The following TTC17 variants were observed in gnomAD, a reference collection of about 807,000 sequenced individuals.
TTC17 encodes the protein tetratricopeptide repeat domain 17.
TTC17 carries 58 observed loss-of-function variants against 143.8 expected under a neutral mutation model. The observed-to-expected ratio is 0.40, with a 90% CI of 0.33 to 0.50. The LOEUF is 0.50. Ranked by LOEUF, TTC17 falls within the 20% of genes least tolerant of loss-of-function variation. TTC17 has a pLI of 0.49. For synonymous variants in TTC17, 501 were observed against 497.8 expected (o/e 1.01, Z -0.09); for missense variants, 1,273 against 1,392.5 (o/e 0.91, Z 1.37).
chr11:43,376,191 G>A (rs1172170859), intron 1 of TTC17, among the ~76,000 whole-genome samples: 1 of 152,114 alleles, frequency 6.6e-6, no homozygotes, highest in Non-Finnish European at 1.5e-5. Context: ...GTATTCAAAG[G>A]AAAATGAAAT....
chr11:43,375,353 G>C (rs918872123), intron 1 of TTC17, among the ~76,000 whole-genome samples: 4 of 152,154 alleles, frequency 2.6e-5, no homozygotes, highest in Non-Finnish European at 5.9e-5. Flanking sequence ...ATATTGGATA[G>C]CAAACACTAC....
intron 9 of TTC17, among the ~76,000 whole-genome samples, 180 bp downstream of exon 9, chr11:43,400,228 C>G (rs949659678): frequency 2.0e-5 from 3 of 152,144 alleles, no homozygotes; most frequent in Non-Finnish European, 4.4e-5. Context: ...CTGGTTTGGT[C>G]TACCTTGCTT....
At chr11:43,465,436 A>T (rs2134808360) in intron 21 of TTC17, among the ~76,000 whole-genome samples, 1 of 152,324 alleles carries the variant, frequency 6.6e-6, no homozygotes, top group South Asian at 2.1e-4. Context: ...TGAAATAACA[A>T]TGATAATTGT....
chr11:43,387,321 G>A (rs1328152250), intron 2 of TTC17, among the ~76,000 whole-genome samples: 1 of 152,146 alleles, frequency 6.6e-6, no homozygotes, highest in Admixed American at 6.5e-5. Context: ...GCTCAAGGAA[G>A]AACAACCAAA....
chr11:43,492,250 C>T, intron 23 of TTC17, 87 bp downstream of exon 23: 1 of 1,483,904 alleles, frequency 6.7e-7, no homozygotes, highest in Non-Finnish European at 9.1e-7. Flanking sequence ...TATGTCATTG[C>T]CCACCAATTT....
chr11:43,446,345 C>G, intron 18 of TTC17: 3 of 291,356 alleles, frequency 1.0e-5, no homozygotes, highest in Non-Finnish European at 1.7e-5. Flanking sequence ...TGTTCTATAT[C>G]TTCGCTCTAG....
intron 1 of TTC17, among the ~76,000 whole-genome samples, chr11:43,363,006 C>G (rs1856180415): frequency 6.6e-6 from 1 of 152,218 alleles, no homozygotes; most frequent in African/African-American, 2.4e-5. Flanking sequence ...TGACATACCT[C>G]TGATGCCCTA....
At chr11:43,421,916 T>C (rs897906390) in intron 16 of TTC17, among the ~76,000 whole-genome samples, 1 of 142,362 alleles carries the variant, frequency 7.0e-6, no homozygotes. Flanking sequence ...TGGGGACTGC[T>C]GACTTGGAAG....
intron 21 of TTC17, among the ~76,000 whole-genome samples, chr11:43,451,680 C>T (rs1947659986): frequency 6.6e-6 from 1 of 152,130 alleles, no homozygotes; most frequent in Admixed American, 6.5e-5. Flanking sequence ...AAAATATTTA[C>T]CAAATTGCAT....
intron 16 of TTC17, among the ~76,000 whole-genome samples, chr11:43,431,957 A>G (rs993765965): frequency 2.0e-5 from 3 of 152,258 alleles, no homozygotes; most frequent in South Asian, 2.1e-4. Context: ...ATGCCTCTCA[A>G]TTCATTTGTG....
intron 1 of TTC17, 159 bp from the exon 2 acceptor site, chr11:43,379,074 T>G: frequency 1.4e-6 from 1 of 693,770 alleles, no homozygotes; most frequent in South Asian, 1.7e-5. Context: ...TTTGCTAACA[T>G]TTACATGTGA....
chr11:43,459,771 C>T (rs1947830439), intron 21 of TTC17, among the ~76,000 whole-genome samples: 1 of 152,204 alleles, frequency 6.6e-6, no homozygotes, highest in Admixed American at 6.5e-5. Flanking sequence ...ACTTCAAGTA[C>T]CCATACAACC....
chr11:43,400,173 G>A (rs3816938), intron 9 of TTC17, 125 bp downstream of exon 9: 28,769 of 1,073,470 alleles, frequency 0.027, 628 homozygotes, highest in East Asian at 0.11. Context: ...CCTACATCTC[G>A]AAAGCATGAT....
chr11:43,405,875 C>T lies in TTC17; in HGVS notation c.1685C>T (p.Thr562Ile), dbSNP rs767503958. The change falls in exon 13 of 24, where the codon ACT (threonine) becomes ATT (isoleucine). Residue 562 changes from threonine to isoleucine, a missense_variant. This residue lies in a region of TTC17 where 878 missense variants were observed against 899.8 expected (regional missense o/e 0.98). Coordinates refer to ENST00000039989, the MANE Select transcript of TTC17 (RefSeq NM_018259.6). ...ATAACTGACTTCAGAAAAAGCCACA[C>T]TCTGTCCTACTTAGTCAAAGAATTA... Reference protein sequence around the residue: ...CSITDFRKSHTLSYLVKELEV... With the variant: ...CSITDFRKSHILSYLVKELEV... 3 of 1,614,078 alleles carry T rather than the reference C, an allele frequency of 1.9e-6. No homozygotes were observed. The highest frequency in any genetic ancestry group is 2.2e-5 in the East Asian group (1 of 44,890).
intron 21 of TTC17, among the ~76,000 whole-genome samples, chr11:43,456,300 A>G (rs1466453916): frequency 1.3e-5 from 2 of 152,062 alleles, no homozygotes; most frequent in South Asian, 2.1e-4. Context: ...TGTCCACTCT[A>G]TCTACTACTA....
At chr11:43,467,882 A>C (rs1161660390) in intron 21 of TTC17, among the ~76,000 whole-genome samples, 3 of 152,102 alleles carry the variant, frequency 2.0e-5, no homozygotes, top group African/African-American at 7.2e-5. Context: ...TCCAAAAAAA[A>C]AAAAAATCCA....
chr11:43,480,234 G>C (rs770687476), intron 21 of TTC17, among the ~76,000 whole-genome samples: 1 of 152,154 alleles, frequency 6.6e-6, no homozygotes, highest in Non-Finnish European at 1.5e-5. Flanking sequence ...CTTACTATAT[G>C]CCATTTACTT....
In TTC17 at chr11:43,407,195, T is replaced by A. The variant is rs201085664; in HGVS notation, c.1819T>A (p.Leu607Ile). Residue 607 changes from leucine to isoleucine, a missense_variant, in exon 14 of 24, where the codon TTA becomes ATA. Leu to Ile is a conservative substitution (Grantham distance 5, BLOSUM62 2). Around this residue, in one of 3 missense-constraint regions of TTC17, gnomAD observed 878 missense variants for 899.8 expected, o/e 0.98. Transcript: ENST00000039989. ...TIPEEEIGSF[L>I]FHAINKPNAP... ...CCCAGAAGAAGAAATTGGGTCTTTC[T>A]TATTTCATGCTATTAATAAGGTGAG... The A allele has an allele frequency of 6.3e-7, 1 of 1,599,018 alleles. No individual in the cohort carries two copies.
At chr11:43,433,272 T>G (rs560958483) in intron 16 of TTC17, among the ~76,000 whole-genome samples, 1 of 152,346 alleles carries the variant, frequency 6.6e-6, no homozygotes, top group South Asian at 2.1e-4. Context: ...GTGCTGGAAT[T>G]ACAGGCGTGA....
Sources: allele counts gnomAD v4.1 joint callset (sites outside exome capture counted in the v4.1 genomes callset), GRCh38; gene constraint gnomAD v4.1.1; regional missense constraint gnomAD v4.1.1; transcripts MANE v1.5; gene names NCBI Gene and HGNC (gene_info 2026-07-23, HGNC 2026-07-21).